Variants in LUC7L2 observed in about 807,000 individuals in gnomAD.
LUC7L2 encodes LUC7 like 2, pre-mRNA splicing factor.
A neutral mutation model predicts 52.8 loss-of-function variants in LUC7L2; 25 were observed. The ratio of observed to expected loss-of-function variants is 0.47; its 90% CI spans 0.34 to 0.66. LUC7L2 has a LOEUF of 0.66. Ranked by LOEUF, LUC7L2 falls within the 30% of genes least tolerant of loss-of-function variation. The pLI is 0.01. For missense variants in LUC7L2, 328 were observed against 497.8 expected (o/e 0.66, Z 3.25); for synonymous variants, 144 against 160.9 (o/e 0.89, Z 0.80).
At chr7:139,357,500 CTG>C (rs1234505378), upstream of LUC7L2, among the ~76,000 whole-genome samples, 4 of 152,064 alleles carry the variant, frequency 2.6e-5, no homozygotes, top group African/African-American at 7.3e-5. Flanking sequence ...TTTAAATACA[CTG>C]TTTTTCAGGG....
chr7:139,390,701 G>A (rs1431938022), intron 2 of LUC7L2, among the ~76,000 whole-genome samples: 21 of 151,702 alleles, frequency 1.4e-4, no homozygotes, highest in Admixed American at 1.2e-3. Context: ...GACTATAGGC[G>A]CCCACCACCA....
rs186928663 is a variant in LUC7L2 at position 139,380,791 on chromosome 7, A to G, written c.156+4635A>G. On this transcript the variant is annotated intron_variant, in intron 2 of 9. Coordinates refer to ENST00000354926, the MANE Select transcript of LUC7L2 (RefSeq NM_016019.5). ...AAGCTGTCATTTTTTTCCTCAACAC[A>G]TTTCTTCTGGTACGTATCTTCCCTG... 4.6e-5 allele frequency among the ~76,000 whole-genome samples: 7 copies of G among 152,184 alleles called. No homozygotes were observed. The East Asian group carries it at 1.3e-3, about 29-fold the overall frequency.
chr7:139,383,844 C>T (rs1387770113), intron 2 of LUC7L2, among the ~76,000 whole-genome samples: 1 of 151,148 alleles, frequency 6.6e-6, no homozygotes, highest in Admixed American at 6.6e-5. Flanking sequence ...GGTGATTCTC[C>T]TGCCTCAGCC....
chr7:139,353,192 C>T (rs1223451392), intron 1 of LUC7L2, among the ~76,000 whole-genome samples: 1 of 151,938 alleles, frequency 6.6e-6, no homozygotes, highest in Non-Finnish European at 1.5e-5. Context: ...GCAAGACTGT[C>T]CCAAAAATTA....
chr7:139,383,261 A>G (rs985422829), intron 2 of LUC7L2, among the ~76,000 whole-genome samples: 3 of 151,118 alleles, frequency 2.0e-5, no homozygotes, highest in African/African-American at 7.3e-5. Flanking sequence ...GATTACAGGC[A>G]TGCGCCACCA....
chr7:139,407,929 G>A (rs1340669506), intron 6 of LUC7L2, among the ~76,000 whole-genome samples: 1 of 152,088 alleles, frequency 6.6e-6, no homozygotes, highest in Non-Finnish European at 1.5e-5. Flanking sequence ...ACACAAAAAA[G>A]CATGGTGATA....
chr7:139,362,726 T>A (rs547183109), intron 1 of LUC7L2, among the ~76,000 whole-genome samples: 1 of 151,810 alleles, frequency 6.6e-6, no homozygotes, highest in East Asian at 1.9e-4. Flanking sequence ...TAGTGTCCTG[T>A]CTGTGAAGGA....
chr7:139,404,735 AG>A (rs1350791314), intron 4 of LUC7L2, among the ~76,000 whole-genome samples: 2 of 152,214 alleles, frequency 1.3e-5, no homozygotes, highest in Non-Finnish European at 2.9e-5. Context: ...GGACTCATAG[AG>A]TGGAGTTGCC....
intron 1 of LUC7L2, among the ~76,000 whole-genome samples, chr7:139,360,802 C>T (rs1375545012): frequency 1.3e-5 from 2 of 152,158 alleles, no homozygotes; most frequent in Non-Finnish European, 2.9e-5. Context: ...TTATTACTAA[C>T]CCAGTCTCAG....
rs764645452 is a variant in LUC7L2 at position 139,412,568 on chromosome 7, A to G, written c.797A>G (p.Lys266Arg). ...TTTTTTAGGTCCCGATCACACAGCA[A>G]GAATCCAAAAAGGTAGGTGTATTAC... ...EKLRRSRSHS[K>R]NPKRSRSREH... The change falls in exon 8 of 10, where the codon AAG becomes AGG. Residue 266 changes from lysine (K) to arginine (R), a missense_variant. This residue lies in a region of LUC7L2 where 195 missense variants were observed against 223.3 expected (regional missense o/e 0.87). Transcript: ENST00000354926. 1.2e-6 allele frequency: 2 copies of G among 1,606,492 alleles called. No homozygotes were observed. The highest frequency in any genetic ancestry group is 2.7e-5 in the African/African-American group (2 of 74,350).
intron 8 of LUC7L2, 140 bp downstream of exon 8, chr7:139,412,720 C>G: frequency 9.9e-7 from 1 of 1,008,768 alleles, no homozygotes; most frequent in South Asian, 1.9e-5. Flanking sequence ...CCCAGCTACT[C>G]AAGAGGCTGA....
rs985450839 is a variant in LUC7L2, at chr7:139,348,713, G to A, written c.-26+8196G>A. 3.1e-4 allele frequency among the ~76,000 whole-genome samples: 46 copies of A among 150,546 alleles called. 1 individual carries two copies. Among genetic ancestry groups the A allele is most frequent in the Admixed American group, 1.3e-4 (2 of 15,084 alleles). The stretch of plus-strand genomic sequence containing the variant: ...AAGCCTGGTGACAGAGCGAGACTCC[G>A]TCTCAAAAAAAAAAAATATTTATAT... On this transcript the variant is annotated intron_variant, in intron 1 of 10. Transcript: ENST00000541170.
At chr7:139,397,664 T>A (rs1046274438) in intron 2 of LUC7L2, among the ~76,000 whole-genome samples, 5 of 152,214 alleles carry the variant, frequency 3.3e-5, no homozygotes, top group Admixed American at 3.3e-4. Context: ...TCCTTGCATC[T>A]TGCCAATTTT....
intron 5 of LUC7L2, among the ~76,000 whole-genome samples, 164 bp from the exon 6 acceptor site, chr7:139,407,010 T>TTTTG (rs1405479652): frequency 2.1e-4 from 30 of 146,240 alleles, no homozygotes; most frequent in Middle Eastern, 3.5e-3. Context: ...GGTTTTTTTT[T>TTTTG]TTTTTTTTTT....
At chr7:139,351,845 C>T (rs1799467412) in intron 1 of LUC7L2, among the ~76,000 whole-genome samples, 1 of 152,186 alleles carries the variant, frequency 6.6e-6, no homozygotes. Context: ...TTTTCTTCAA[C>T]AAGGATGTAT....
chr7:139,404,883 T>C lies in LUC7L2; in HGVS notation c.367-761T>C, dbSNP rs1795053307. On this transcript the variant is annotated intron_variant, in intron 4 of 9. Coordinates refer to ENST00000354926, the MANE Select transcript of LUC7L2 (RefSeq NM_016019.5). ...CAGGTATAAGTAATGTGGCCAAAAT[T>C]ACACAGATAGTAATTGGTTTAGCAA... Among the ~76,000 whole-genome samples the C allele has an allele frequency of 3.9e-5, 6 of 152,334 alleles. No individual in the cohort carries two copies. The South Asian group carries it at 1.0e-3, about 26-fold the overall frequency.
intron 1 of LUC7L2, chr7:139,340,546 T>A: frequency 5.0e-6 from 2 of 398,384 alleles, no homozygotes; most frequent in Non-Finnish European, 8.9e-6. Context: ...TGATGTGGAC[T>A]TTTGTTCTCT....
intron 2 of LUC7L2, among the ~76,000 whole-genome samples, chr7:139,394,655 G>A (rs1352172231): frequency 1.3e-5 from 2 of 152,158 alleles, no homozygotes; most frequent in Non-Finnish European, 2.9e-5. Context: ...ATGAAAGTAA[G>A]ATAAAGGAGA....
At chr7:139,405,258 C>T (rs1165848215) in intron 4 of LUC7L2, among the ~76,000 whole-genome samples, 1 of 152,024 alleles carries the variant, frequency 6.6e-6, no homozygotes, top group Non-Finnish European at 1.5e-5. Context: ...AGAGTATATG[C>T]AAAGTAACAG....
Sources: gnomAD v4.1 joint callset for allele counts (sites outside exome capture counted in the v4.1 genomes callset) on GRCh38, gnomAD v4.1.1 for gene constraint, gnomAD v4.1.1 regional missense constraint, MANE v1.5 for transcripts, NCBI Gene and HGNC (gene_info 2026-07-23, HGNC 2026-07-21) for gene names.